The following ARF6 variants were observed in gnomAD, a reference collection of about 807,000 sequenced individuals.
The protein encoded by ARF6 is ARF GTPase 6.
For synonymous variants in ARF6, 127 were observed against 95.5 expected (o/e 1.33, Z -1.92); for missense variants, 75 against 232.0 (o/e 0.32, Z 4.40).
rs1394900804 is a variant in ARF6 at position 49,894,857 on chromosome 14, T to TC, written c.*594dup. 1 of 167,226 alleles carries TC rather than the reference T, an allele frequency of 6.0e-6. No homozygotes were observed. The highest frequency in any genetic ancestry group is 2.4e-5 in the African/African-American group (1 of 41,428). 10.4% of individuals were successfully genotyped at this position (167,226 alleles called of 1,614,324 possible). A position where few individuals can be genotyped will look rare whatever the true frequency, so the allele number is the denominator to read the frequency against. On this transcript the variant is annotated 3_prime_UTR_variant, in exon 2 of 2. Coordinates refer to ENST00000298316, the MANE Select transcript of ARF6 (RefSeq NM_001663.4). ...GTAATTTCAAATGTGACCTTTTATA[T>TC]CTAAGACCAGTATAGTAAACTTAGC...
At position 49,894,509 on chromosome 14, in the gene ARF6, T is replaced by G; in HGVS notation, c.*245T>G. The G allele has an allele frequency of 2.4e-6, 1 of 418,404 alleles. No homozygotes were observed. The highest frequency in any genetic ancestry group is 4.4e-6 in the Non-Finnish European group (1 of 225,714). The allele number at this position is 418,404 out of a possible 1,614,324, so 25.9% of individuals were successfully genotyped here. ...TGCGTTAGGATGCTCTGATCTGACA[T>G]TTGACATGAACACAAAGTTGCTAGA... On this transcript the variant is annotated 3_prime_UTR_variant, in exon 2 of 2. Coordinates refer to ENST00000298316, the MANE Select transcript of ARF6 (RefSeq NM_001663.4).
In ARF6 at chr14:49,893,395, G is replaced by T. The variant is rs1191176016; in HGVS notation, c.-342G>T. ...CCGGAGGGCTGCAGTCTCCCTCGCG[G>T]TGAGAGGAAGGCGGAGGAGCGGGAA... On this transcript the variant is annotated 5_prime_UTR_variant, in exon 2 of 2. Coordinates refer to ENST00000298316, the MANE Select transcript of ARF6 (RefSeq NM_001663.4). 1.0e-5 allele frequency: 2 copies of T among 195,280 alleles called. No homozygotes were observed. Among genetic ancestry groups the T allele is most frequent in the Non-Finnish European group, 2.0e-5 (2 of 98,292 alleles). The allele number at this position is 195,280 out of a possible 1,614,324, so 12.1% of individuals were successfully genotyped here.
chr14:49,894,485 G>C lies in ARF6; in HGVS notation c.*221G>C. ...TTTTTTTTTTTTTTTTGTTGGCTTT[G>C]CGTTAGGATGCTCTGATCTGACATT... On this transcript the variant is annotated 3_prime_UTR_variant, in exon 2 of 2. Transcript: ENST00000298316. The C allele has an allele frequency of 2.2e-6, 1 of 462,488 alleles. No individual in the cohort carries two copies. Among genetic ancestry groups the C allele is most frequent in the East Asian group, 3.4e-5 (1 of 29,234 alleles). 28.6% of individuals were successfully genotyped at this position (462,488 alleles called of 1,614,324 possible).
In ARF6 at chr14:49,896,379, T is replaced by C. The variant is rs1425724296; in HGVS notation, c.*2115T>C. 1 of 167,048 alleles carries C rather than the reference T, an allele frequency of 6.0e-6. No homozygotes were observed. Among genetic ancestry groups the C allele is most frequent in the African/African-American group, 2.4e-5 (1 of 41,454 alleles). 10.3% of individuals were successfully genotyped at this position (167,048 alleles called of 1,614,324 possible). ...AAGTATATAAATATGGGTTATCCAATATCAATGCTATAGTAACATCCTGAA... is the reference window on the plus strand; with the variant it reads ...AAGTATATAAATATGGGTTATCCAACATCAATGCTATAGTAACATCCTGAA... On this transcript the variant is annotated 3_prime_UTR_variant, in exon 2 of 2. Transcript: ENST00000298316.
Position 49,894,431 on chromosome 14 carries a change from T to A in ARF6, c.*167T>A, listed in dbSNP as rs921117263. The A allele has an allele frequency of 1.5e-6, 1 of 673,548 alleles. No homozygotes were observed. The highest frequency in any genetic ancestry group is 2.4e-6 in the Non-Finnish European group (1 of 419,434). 41.7% of individuals were successfully genotyped at this position (673,548 alleles called of 1,614,324 possible). On this transcript the variant is annotated 3_prime_UTR_variant, in exon 2 of 2. Coordinates refer to ENST00000298316, the MANE Select transcript of ARF6 (RefSeq NM_001663.4). ...GACGGGGCTTGGGGGTTTTCTCTTTTGTTTGTTTCCCTTTCTTTTTCCTTT... is the reference window on the plus strand; with the variant it reads ...GACGGGGCTTGGGGGTTTTCTCTTTAGTTTGTTTCCCTTTCTTTTTCCTTT...
At position 49,893,574 on chromosome 14, in the gene ARF6, G is replaced by C. The variant is rs1324408798; in HGVS notation, c.-163G>C. 1.3e-6 allele frequency: 1 copy of C among 790,258 alleles called. No individual in the cohort carries two copies. The highest frequency in any genetic ancestry group is 2.0e-6 in the Non-Finnish European group (1 of 501,044). The allele number at this position is 790,258 out of a possible 1,614,324, so 49.0% of individuals were successfully genotyped here. ...TGTGCGGTCGGTGATGCCCGAGTGA[G>C]CGGGGGGCCTGGGCCTCTGCCCTTA... On this transcript the variant is annotated 5_prime_UTR_variant, in exon 2 of 2. Coordinates refer to ENST00000298316, the MANE Select transcript of ARF6 (RefSeq NM_001663.4).
In ARF6 at chr14:49,894,542, G is replaced by A; in HGVS notation, c.*278G>A. On this transcript the variant is annotated 3_prime_UTR_variant, in exon 2 of 2. Transcript: ENST00000298316. ...GAACACAAAGTTGCTAGATGCTCTT[G>A]TTGACTTCCAGCAGATGGGATGGGG... 1 of 317,094 alleles carries A rather than the reference G, an allele frequency of 3.2e-6. No individual in the cohort carries two copies. Among genetic ancestry groups the A allele is most frequent in the East Asian group, 5.3e-5 (1 of 19,028 alleles). The allele number at this position is 317,094 out of a possible 1,614,324, so 19.6% of individuals were successfully genotyped here.
In ARF6 at chr14:49,893,627, G is replaced by A. The variant is rs1477265477; in HGVS notation, c.-110G>A. The A allele has an allele frequency of 4.2e-6, 6 of 1,417,928 alleles. No individual in the cohort carries two copies. The highest frequency in any genetic ancestry group is 4.2e-5 in the Admixed American group (2 of 47,896). The allele number at this position is 1,417,928 out of a possible 1,614,324, so 87.8% of individuals were successfully genotyped here. A position where few individuals can be genotyped will look rare whatever the true frequency, so the allele number is the denominator to read the frequency against. ...AGGCAACTCCCACGCAGGCCGCAAAGGCGCTCTCGCGGCCGAGAGGCTTCG... is the reference window on the plus strand; with the variant it reads ...AGGCAACTCCCACGCAGGCCGCAAAAGCGCTCTCGCGGCCGAGAGGCTTCG... On this transcript the variant is annotated 5_prime_UTR_variant, in exon 2 of 2. Transcript: ENST00000298316.
At position 49,893,455 on chromosome 14, in the gene ARF6, A is replaced by AG. The variant is rs1317681007; in HGVS notation, c.-279dup. 1.5e-5 allele frequency: 4 copies of AG among 271,602 alleles called. No individual in the cohort carries two copies. The highest frequency in any genetic ancestry group is 2.7e-5 in the Non-Finnish European group (4 of 146,578). 16.8% of individuals were successfully genotyped at this position (271,602 alleles called of 1,614,324 possible). A position where few individuals can be genotyped will look rare whatever the true frequency, so the allele number is the denominator to read the frequency against. ...CGCTCGCGCGGCGCCTGCGGGGGGA[A>AG]GGGCAGTTCCGGGCCGGGCCGCGCC... On this transcript the variant is annotated 5_prime_UTR_variant, in exon 2 of 2. Transcript: ENST00000298316.
Position 49,895,392 on chromosome 14 carries a change from A to G in ARF6, c.*1128A>G, listed in dbSNP as rs1260072852. Reference sequence around the variant, plus strand: ...AAAAAATACACATTCCTGTTTTCACATTATAGCAACTGATTAAGCTGAAGC... The same window carrying G: ...AAAAAATACACATTCCTGTTTTCACGTTATAGCAACTGATTAAGCTGAAGC... On this transcript the variant is annotated 3_prime_UTR_variant, in exon 2 of 2. Transcript: ENST00000298316. 1.8e-5 allele frequency: 3 copies of G among 167,120 alleles called. No individual in the cohort carries two copies. Among genetic ancestry groups the G allele is most frequent in the Admixed American group, 6.5e-5 (1 of 15,288 alleles). The allele number at this position is 167,120 out of a possible 1,614,324, so 10.4% of individuals were successfully genotyped here. A position where few individuals can be genotyped will look rare whatever the true frequency, so the allele number is the denominator to read the frequency against.
At position 49,894,009 on chromosome 14, in the gene ARF6, C is replaced by T. The variant is rs760817062; in HGVS notation, c.273C>T (p.Ala91=). ...GTCTCATCTTCGTAGTGGACTGCGC[C>T]GACCGCGACCGCATCGATGAGGCTC... The part of the protein sequence containing the change: ...TQGLIFVVDC[A]DRDRIDEARQ... The change falls in exon 2 of 2, where the codon GCC becomes GCT. Residue 91 remains alanine (A), a synonymous_variant. Transcript: ENST00000298316. 1.9e-6 allele frequency: 3 copies of T among 1,614,212 alleles called. No homozygotes were observed. The highest frequency in any genetic ancestry group is 1.6e-4 in the Middle Eastern group (1 of 6,062).
rs1894483258 is a variant in ARF6, at chr14:49,893,796, C to G, written c.60C>G (p.Gly20=). The G allele has an allele frequency of 6.2e-7, 1 of 1,614,230 alleles. No individual in the cohort carries two copies. Among genetic ancestry groups the G allele is most frequent in the East Asian group, 2.2e-5 (1 of 44,888 alleles). ...GNKEMRILML[G]LDAAGKTTIL... ...AGGAAATGCGGATCCTCATGTTGGG[C>G]CTGGACGCGGCCGGCAAGACAACAA... Residue 20 remains glycine, a synonymous_variant, in exon 2 of 2, where the codon GGC becomes GGG. Transcript: ENST00000298316.
In ARF6 at chr14:49,894,574, C is replaced by G. The variant is rs756865603; in HGVS notation, c.*310C>G. ...TCCAGCAGATGGGATGGGGGAAACACAGCAGTTCTTGGTAAAGTCCTTTGT... is the reference window on the plus strand; with the variant it reads ...TCCAGCAGATGGGATGGGGGAAACAGAGCAGTTCTTGGTAAAGTCCTTTGT... On this transcript the variant is annotated 3_prime_UTR_variant, in exon 2 of 2. Coordinates refer to ENST00000298316, the MANE Select transcript of ARF6 (RefSeq NM_001663.4). The G allele has an allele frequency of 3.5e-6, 1 of 283,616 alleles. No individual in the cohort carries two copies. The allele number at this position is 283,616 out of a possible 1,614,324, so 17.6% of individuals were successfully genotyped here.
rs756048522 is a variant in ARF6 at position 49,893,709 on chromosome 14, TGCCCCC to T, written c.-26_-21del. 1.3e-6 allele frequency: 2 copies of T among 1,599,874 alleles called. No homozygotes were observed. Among genetic ancestry groups the T allele is most frequent in the Non-Finnish European group, 1.7e-6 (2 of 1,169,628 alleles). On this transcript the variant is annotated 5_prime_UTR_variant, in exon 2 of 2. Transcript: ENST00000298316. ...GCTGAGGGGACCCGGGACACCTGAA[TGCCCCC>T]GGCCCCGGCTCCTCCGACGCGATGG...
At position 49,894,373 on chromosome 14, in the gene ARF6, A is replaced by T; in HGVS notation, c.*109A>T. The T allele has an allele frequency of 8.4e-7, 1 of 1,186,114 alleles. No homozygotes were observed. Among genetic ancestry groups the T allele is most frequent in the Non-Finnish European group, 1.2e-6 (1 of 856,956 alleles). 73.5% of individuals were successfully genotyped at this position (1,186,114 alleles called of 1,614,324 possible). On this transcript the variant is annotated 3_prime_UTR_variant, in exon 2 of 2. Coordinates refer to ENST00000298316, the MANE Select transcript of ARF6 (RefSeq NM_001663.4). The stretch of plus-strand genomic sequence containing the variant: ...GCCACTTTCTCTTCTTTTGAATTTG[A>T]ACTCTGGAGTTACTGTTCTACAGTT...
Position 49,894,612 on chromosome 14 carries a change from A to AT in ARF6, c.*355dup, listed in dbSNP as rs1267939260. 20 of 199,862 alleles carry AT rather than the reference A, an allele frequency of 1.0e-4. No homozygotes were observed. Among genetic ancestry groups the AT allele is most frequent in the Non-Finnish European group, 2.1e-4 (19 of 89,598 alleles). The allele number at this position is 199,862 out of a possible 1,614,324, so 12.4% of individuals were successfully genotyped here. A position where few individuals can be genotyped will look rare whatever the true frequency, so the allele number is the denominator to read the frequency against. ...TAAAGTCCTTTGTAATAATAGTTTGATTTTTTTATTTCGAGAGAATCTTTC... is the reference window on the plus strand; with the variant it reads ...TAAAGTCCTTTGTAATAATAGTTTGATTTTTTTTATTTCGAGAGAATCTTTC... On this transcript the variant is annotated 3_prime_UTR_variant, in exon 2 of 2. Coordinates refer to ENST00000298316, the MANE Select transcript of ARF6 (RefSeq NM_001663.4).
At position 49,896,731 on chromosome 14, in the gene ARF6, TATAAGA is replaced by T. The variant is rs1894528463; in HGVS notation, c.*2468_*2473del. 6.0e-6 allele frequency: 1 copy of T among 167,054 alleles called. No homozygotes were observed. The highest frequency in any genetic ancestry group is 6.5e-5 in the Admixed American group (1 of 15,274). The allele number at this position is 167,054 out of a possible 1,614,324, so 10.3% of individuals were successfully genotyped here. On this transcript the variant is annotated 3_prime_UTR_variant, in exon 2 of 2. Coordinates refer to ENST00000298316, the MANE Select transcript of ARF6 (RefSeq NM_001663.4). ...TTTCACTTAAAATTTTCTTTAAGGA[TATAAGA>T]GGTTTATAATTGATGTAGTTAAATT...
Position 49,893,475 on chromosome 14 carries a change from C to A in ARF6, c.-262C>A. 2 of 390,514 alleles carry A rather than the reference C, an allele frequency of 5.1e-6. No homozygotes were observed. Among genetic ancestry groups the A allele is most frequent in the South Asian group, 4.3e-5 (1 of 23,528 alleles). The allele number at this position is 390,514 out of a possible 1,614,324, so 24.2% of individuals were successfully genotyped here. The stretch of plus-strand genomic sequence containing the variant: ...GGGGAAGGGCAGTTCCGGGCCGGGC[C>A]GCGCCTCAGCAGGGCGGCGGCTCCC... On this transcript the variant is annotated 5_prime_UTR_variant, in exon 2 of 2. Coordinates refer to ENST00000298316, the MANE Select transcript of ARF6 (RefSeq NM_001663.4).
In ARF6 at chr14:49,896,166, C is replaced by T. The variant is rs1001821249; in HGVS notation, c.*1902C>T. The T allele has an allele frequency of 1.8e-5, 3 of 166,052 alleles. No homozygotes were observed. Among genetic ancestry groups the T allele is most frequent in the African/African-American group, 7.2e-5 (3 of 41,422 alleles). 10.3% of individuals were successfully genotyped at this position (166,052 alleles called of 1,614,324 possible). ...GCAAAAGGGTATTCTCATGTAGGCTCCTGTTGGTGCAGAGGGATTTTTTTG... is the reference window on the plus strand; with the variant it reads ...GCAAAAGGGTATTCTCATGTAGGCTTCTGTTGGTGCAGAGGGATTTTTTTG... On this transcript the variant is annotated 3_prime_UTR_variant, in exon 2 of 2. Coordinates refer to ENST00000298316, the MANE Select transcript of ARF6 (RefSeq NM_001663.4).
Sources: gnomAD v4.1 joint callset for allele counts on GRCh38, gnomAD v4.1.1 for gene constraint, MANE v1.5 for transcripts, NCBI Gene and HGNC (gene_info 2026-07-23, HGNC 2026-07-21) for gene names.